Variants in RAPGEF1 observed in about 807,000 individuals in gnomAD.
RAPGEF1 encodes CRK SH3-binding GNRP.
In RAPGEF1, 33 loss-of-function variants were observed where a neutral mutation model predicts 143.3. That is an observed-to-expected ratio of 0.23 (90% CI 0.17 to 0.31). The LOEUF is 0.31. RAPGEF1 is among the 10% of genes least tolerant of loss of function. The pLI, the probability that RAPGEF1 is intolerant of heterozygous loss-of-function variation, is 1.00. For synonymous variants in RAPGEF1, 629 were observed against 676.5 expected (o/e 0.93, Z 1.09); for missense variants, 1,199 against 1,645.4 (o/e 0.73, Z 4.69).
chr9:131,620,867 G>A (rs768583934), intron 11 of RAPGEF1, among the ~76,000 whole-genome samples: 4 of 152,150 alleles, frequency 2.6e-5, no homozygotes, highest in Non-Finnish European at 2.9e-5. Context: ...ATGTCCTCTC[G>A]CAATGGATAA....
intron 12 of RAPGEF1, among the ~76,000 whole-genome samples, chr9:131,615,822 C>A (rs928713698): frequency 2.0e-5 from 3 of 152,132 alleles, no homozygotes; most frequent in African/African-American, 7.2e-5. Context: ...CAAGCTCCAC[C>A]TCCAGCCCCC....
At chr9:131,719,389 G>C (rs1836092273) in intron 1 of RAPGEF1, among the ~76,000 whole-genome samples, 1 of 151,960 alleles carries the variant, frequency 6.6e-6, no homozygotes, top group Non-Finnish European at 1.5e-5. Flanking sequence ...CCATTTTCTT[G>C]TTCACGTGTA....
chr9:131,611,760 A>G (rs1043191438), intron 12 of RAPGEF1, among the ~76,000 whole-genome samples: 6 of 152,218 alleles, frequency 3.9e-5, no homozygotes, highest in Non-Finnish European at 7.3e-5. Context: ...ACTTTGTAAC[A>G]TGTCAGAACA....
intron 1 of RAPGEF1, among the ~76,000 whole-genome samples, chr9:131,673,921 GTC>G (rs1831834678): frequency 6.6e-6 from 1 of 152,198 alleles, no homozygotes; most frequent in Non-Finnish European, 1.5e-5. Context: ...AGATCTAAGG[GTC>G]CCTTGATAAT....
chr9:131,650,043 A>G lies in RAPGEF1; in HGVS notation c.315+86T>C, dbSNP rs1165259028. 9.2e-7 allele frequency: 1 copy of G among 1,091,446 alleles called. No homozygotes were observed. The highest frequency in any genetic ancestry group is 1.3e-6 in the Non-Finnish European group (1 of 747,936). 67.6% of individuals were successfully genotyped at this position (1,091,446 alleles called of 1,614,324 possible). On this transcript the variant is annotated intron_variant, in intron 3 of 26. Coordinates refer to ENST00000683357, the MANE Select transcript of RAPGEF1 (RefSeq NM_001377935.1). This position sits in a 1 kb window ranked among gnomAD's most constrained non-coding sequence, Gnocchi z 4.7. ...CAGTTGAACATAATAATAGTGCAATAGAGTTTTTTCCATCCCCAAAACCAT... is the reference window on the plus strand; with the variant it reads ...CAGTTGAACATAATAATAGTGCAATGGAGTTTTTTCCATCCCCAAAACCAT...
chr9:131,650,057 C>A lies in RAPGEF1; in HGVS notation c.315+72G>T. The stretch of plus-strand genomic sequence containing the variant: ...AATAGTGCAATAGAGTTTTTTCCAT[C>A]CCCAAAACCATGGACCAGGATTCTG... On this transcript the variant is annotated intron_variant, in intron 3 of 26. Coordinates refer to ENST00000683357, the MANE Select transcript of RAPGEF1 (RefSeq NM_001377935.1). This position sits in a 1 kb window ranked among gnomAD's most constrained non-coding sequence, Gnocchi z 4.7. The A allele has an allele frequency of 7.8e-7, 1 of 1,286,646 alleles. No individual in the cohort carries two copies. Among genetic ancestry groups the A allele is most frequent in the Non-Finnish European group, 1.1e-6 (1 of 917,406 alleles). The allele number at this position is 1,286,646 out of a possible 1,614,324, so 79.7% of individuals were successfully genotyped here. A position where few individuals can be genotyped will look rare whatever the true frequency, so the allele number is the denominator to read the frequency against.
intron 14 of RAPGEF1, 119 bp downstream of exon 14, chr9:131,603,842 G>A (rs1956669447): frequency 2.0e-6 from 1 of 503,060 alleles, no homozygotes; most frequent in Non-Finnish European, 3.2e-6. Context: ...CCAGTCTGCT[G>A]GTGACTAGGA....
chr9:131,704,219 A>C (rs1369314811), intron 1 of RAPGEF1, among the ~76,000 whole-genome samples: 1 of 150,806 alleles, frequency 6.6e-6, no homozygotes, highest in Non-Finnish European at 1.5e-5. Context: ...TGCATTCTGG[A>C]TCAATATTAA....
Position 131,584,729 on chromosome 9 carries a change from C to T in RAPGEF1, c.3234-133G>A. On this transcript the variant is annotated intron_variant, in intron 22 of 26. Transcript: ENST00000683357. This position sits in a 1 kb window ranked among gnomAD's most constrained non-coding sequence, Gnocchi z 6.8. ...GCCCACCCCTACTGAATACCTGCAG[C>T]CTGCCCCAGGCATAGATCTAGTTTC... The T allele has an allele frequency of 4.0e-6, 3 of 758,312 alleles. No homozygotes were observed. Among genetic ancestry groups the T allele is most frequent in the Non-Finnish European group, 6.7e-6 (3 of 448,252 alleles). The allele number at this position is 758,312 out of a possible 1,614,324, so 47.0% of individuals were successfully genotyped here.
At chr9:131,636,602 C>T (rs373740921) in intron 5 of RAPGEF1, among the ~76,000 whole-genome samples, 2 of 152,226 alleles carry the variant, frequency 1.3e-5, no homozygotes, top group African/African-American at 2.4e-5. Flanking sequence ...AACTTGTGAA[C>T]ATCTCATCAG....
intron 1 of RAPGEF1, among the ~76,000 whole-genome samples, chr9:131,678,022 A>G (rs537160516): frequency 1.2e-4 from 18 of 152,382 alleles, no homozygotes; most frequent in African/African-American, 4.1e-4. Flanking sequence ...AATAATTAAT[A>G]GAACATACTC....
Position 131,715,702 on chromosome 9 carries a change from GA to G in RAPGEF1, c.61+24067del, listed in dbSNP as rs1835813646. ...AAGATGGTGAAACCCCATCTCTACT[GA>G]AAATACAAAAATTACCTGAGCATGG... On this transcript the variant is annotated intron_variant, in intron 1 of 26. Coordinates refer to ENST00000683357, the MANE Select transcript of RAPGEF1 (RefSeq NM_001377935.1). 2.6e-5 allele frequency among the ~76,000 whole-genome samples: 4 copies of G among 151,778 alleles called. No homozygotes were observed. In the South Asian group the frequency reaches 6.3e-4, roughly 24 times the overall value.
At chr9:131,587,896 T>C (rs781276413) in intron 21 of RAPGEF1, 46 bp downstream of exon 21, 5 of 1,597,456 alleles carry the variant, frequency 3.1e-6, no homozygotes, top group Non-Finnish European at 4.3e-6. Flanking sequence ...GTTTCTCTCA[T>C]TCAGGGACAA....
intron 9 of RAPGEF1, 103 bp from the exon 10 acceptor site, chr9:131,626,525 A>G: frequency 1.7e-6 from 2 of 1,180,290 alleles, no homozygotes; most frequent in Non-Finnish European, 2.4e-6. Context: ...TGGGTGTGTG[A>G]CAAAGACCTG....
intron 12 of RAPGEF1, among the ~76,000 whole-genome samples, chr9:131,609,938 C>A (rs946082828): frequency 1.3e-5 from 2 of 152,162 alleles, no homozygotes; most frequent in African/African-American, 2.4e-5. Context: ...GCTCTGTCAC[C>A]CAGGTTGGAG....
At chr9:131,612,721 C>T (rs1372580836) in intron 12 of RAPGEF1, among the ~76,000 whole-genome samples, 1 of 152,210 alleles carries the variant, frequency 6.6e-6, no homozygotes. Context: ...TCTAATCCAG[C>T]CTTCACACTT....
chr9:131,579,236 C>A lies in RAPGEF1; in HGVS notation c.*261G>T. The A allele has an allele frequency of 2.1e-6, 1 of 468,630 alleles. No homozygotes were observed. The highest frequency in any genetic ancestry group is 3.8e-6 in the Non-Finnish European group (1 of 261,276). The allele number at this position is 468,630 out of a possible 1,614,324, so 29.0% of individuals were successfully genotyped here. A position where few individuals can be genotyped will look rare whatever the true frequency, so the allele number is the denominator to read the frequency against. On this transcript the variant is annotated 3_prime_UTR_variant, in exon 27 of 27. Transcript: ENST00000683357. ...AGTAAAAGCAGAAAACAAAACCAAACCAGAAAACCACCGGTTTGTAAATTG... is the reference window on the plus strand; with the variant it reads ...AGTAAAAGCAGAAAACAAAACCAAAACAGAAAACCACCGGTTTGTAAATTG...
intron 1 of RAPGEF1, among the ~76,000 whole-genome samples, chr9:131,677,827 C>A (rs980419866): frequency 1.3e-5 from 2 of 152,196 alleles, no homozygotes; most frequent in East Asian, 3.8e-4. Context: ...CTGCAGAGCT[C>A]GGCCTTAACA....
At chr9:131,582,548 C>T in intron 25 of RAPGEF1, 57 bp downstream of exon 25, 1 of 1,262,956 alleles carries the variant, frequency 7.9e-7, no homozygotes, top group South Asian at 1.5e-5. Context: ...AGATCTTCCC[C>T]AGAGCAATGG....
Sources: allele counts gnomAD v4.1 joint callset (sites outside exome capture counted in the v4.1 genomes callset), GRCh38; gene constraint gnomAD v4.1.1; non-coding constraint Gnocchi (gnomAD v3.1); transcripts MANE v1.5; gene names NCBI Gene and HGNC (gene_info 2026-07-23, HGNC 2026-07-21).